Variants in GALNT18 observed in about 807,000 individuals in gnomAD.
The protein encoded by GALNT18 is polypeptide N-acetylgalactosaminyltransferase 18.
Under a neutral mutation model 69.5 loss-of-function variants are expected in GALNT18, and 44 were observed. The ratio of observed to expected loss-of-function variants is 0.63; its 90% CI spans 0.50 to 0.81. The LOEUF (loss-of-function observed/expected upper bound fraction) is 0.81. GALNT18 is among the 40% of genes least tolerant of loss of function. The pLI is 0.00. For synonymous variants in GALNT18, 364 were observed against 318.2 expected, an observed-to-expected ratio of 1.14 and a Z score of -1.53; for missense variants, 715 against 810.0, an observed-to-expected ratio of 0.88 and a Z score of 1.42.
chr11:11,609,803 A>C (rs1859851840), intron 1 of GALNT18, among the ~76,000 whole-genome samples: 1 of 152,176 alleles, frequency 6.6e-6, no homozygotes, highest in South Asian at 2.1e-4. Context: ...TTTAACTCCA[A>C]ATATTCCATT....
chr11:11,524,504 G>C (rs1039467354), intron 1 of GALNT18, among the ~76,000 whole-genome samples: 1 of 152,178 alleles, frequency 6.6e-6, no homozygotes, highest in African/African-American at 2.4e-5. Flanking sequence ...CCTAGCAGAA[G>C]CTTTAGGAGC....
rs904345831 is a variant in GALNT18, at chr11:11,600,186, C to T, written c.235+21173G>A. Among the ~76,000 whole-genome samples, 29 of 151,990 alleles carry T rather than the reference C, an allele frequency of 1.9e-4. No individual in the cohort carries two copies. Among genetic ancestry groups the T allele is most frequent in the African/African-American group, 6.5e-4 (27 of 41,428 alleles). On this transcript the variant is annotated intron_variant, in intron 1 of 10. Transcript: ENST00000227756. This position sits in a 1 kb window ranked among gnomAD's most constrained non-coding sequence, Gnocchi z 4.8. Reference sequence around the variant, plus strand: ...AGAAAGGAGGAGAAATATACAAATACGTTGTTTTTTATAATGGCTTATATA... The same window carrying T: ...AGAAAGGAGGAGAAATATACAAATATGTTGTTTTTTATAATGGCTTATATA...
rs936020105 is a variant in GALNT18, at chr11:11,492,414, C to T, written c.236-43478G>A. On this transcript the variant is annotated intron_variant, in intron 1 of 10. Transcript: ENST00000227756. Reference sequence around the variant, plus strand: ...CTGCTAACACAGGGAAGAACTGGCTCAAGCCACAACAGAGAAAAGCACAGG... The same window carrying T: ...CTGCTAACACAGGGAAGAACTGGCTTAAGCCACAACAGAGAAAAGCACAGG... 3.3e-5 allele frequency among the ~76,000 whole-genome samples: 5 copies of T among 152,154 alleles called. No individual in the cohort carries two copies. The East Asian group carries it at 9.6e-4, about 29-fold the overall frequency.
At position 11,613,239 on chromosome 11, in the gene GALNT18, T is replaced by C. The variant is rs1859956985; in HGVS notation, c.235+8120A>G. Among the ~76,000 whole-genome samples, 2 of 152,174 alleles carry C rather than the reference T, an allele frequency of 1.3e-5. No homozygotes were observed. Among genetic ancestry groups the C allele is most frequent in the African/African-American group, 4.8e-5 (2 of 41,430 alleles). On this transcript the variant is annotated intron_variant, in intron 1 of 10. Coordinates refer to ENST00000227756, the MANE Select transcript of GALNT18 (RefSeq NM_198516.3). This position sits in a 1 kb window ranked among gnomAD's most constrained non-coding sequence, Gnocchi z 4.2. ...TGCTTAAAGTTCCAGTTGGCTGCAC[T>C]GGAACTACAGGGGATCTATAAAAGG...
chr11:11,420,116 T>C (rs1245157818), intron 3 of GALNT18, among the ~76,000 whole-genome samples: 8 of 151,784 alleles, frequency 5.3e-5, no homozygotes, highest in Admixed American at 1.3e-4. Flanking sequence ...GGACTCTCAT[T>C]TTTGAAAGAA....
chr11:11,298,908 C>A (rs1217177036), intron 9 of GALNT18, among the ~76,000 whole-genome samples: 2 of 152,194 alleles, frequency 1.3e-5, no homozygotes, highest in Non-Finnish European at 2.9e-5. Flanking sequence ...CACCAAAGAG[C>A]CTTTGCAAAC....
At chr11:11,276,606 G>C (rs982138058) in intron 10 of GALNT18, among the ~76,000 whole-genome samples, 8 of 151,880 alleles carry the variant, frequency 5.3e-5, no homozygotes, top group African/African-American at 9.6e-5. Context: ...TCCCTGTCTT[G>C]TGCCAGTTTT....
intron 10 of GALNT18, among the ~76,000 whole-genome samples, chr11:11,291,560 C>CAGGAAGGAGCAGGAGCCATGGTTACAT (rs1431118137): frequency 3.3e-5 from 5 of 152,174 alleles, no homozygotes; most frequent in African/African-American, 1.2e-4. Flanking sequence ...GTTACATAGA[C>CAGGAAGGAGCAGGAGCCATGGTTACAT]AGGAAGGAGC....
chr11:11,572,522 A>G (rs1463043820), intron 1 of GALNT18, among the ~76,000 whole-genome samples: 1 of 152,200 alleles, frequency 6.6e-6, no homozygotes, highest in Non-Finnish European at 1.5e-5. Context: ...CTTGGGCATG[A>G]GTCAGGGCCC....
At chr11:11,503,026 A>C (rs1000475650) in intron 1 of GALNT18, among the ~76,000 whole-genome samples, 8 of 152,214 alleles carry the variant, frequency 5.3e-5, no homozygotes, top group African/African-American at 1.9e-4. Flanking sequence ...CTCATGGAAG[A>C]AGAGGGCTTC....
chr11:11,295,435 A>G (rs1160307460), intron 9 of GALNT18, among the ~76,000 whole-genome samples: 1 of 151,096 alleles, frequency 6.6e-6, no homozygotes, highest in Non-Finnish European at 1.5e-5. Context: ...CAGAGCTGTC[A>G]CCAGAACGTG....
At chr11:11,579,815 A>T (rs1006741369) in intron 1 of GALNT18, among the ~76,000 whole-genome samples, 3 of 152,156 alleles carry the variant, frequency 2.0e-5, no homozygotes, top group Non-Finnish European at 4.4e-5. Flanking sequence ...CCACATTTTC[A>T]CTCTGTTTCA....
intron 2 of GALNT18, among the ~76,000 whole-genome samples, chr11:11,447,329 C>T (rs888779811): frequency 2.0e-5 from 3 of 152,070 alleles, no homozygotes; most frequent in African/African-American, 7.3e-5. Flanking sequence ...TGCAGCTCCC[C>T]ACTCTTGTCC....
intron 1 of GALNT18, among the ~76,000 whole-genome samples, chr11:11,537,168 G>A (rs1220010522): frequency 1.3e-5 from 2 of 152,098 alleles, no homozygotes; most frequent in African/African-American, 2.4e-5. Context: ...CCAAACATGA[G>A]GGAACTGAGG....
In GALNT18 at chr11:11,404,381, C is replaced by T. The variant is rs1428089403; in HGVS notation, c.596-25117G>A. ...GGCTGCTTTTATTCTCTCACCCTCC[C>T]TAGGGAAAGCAAATGCCCATGAAAT... On this transcript the variant is annotated intron_variant, in intron 3 of 10. Transcript: ENST00000227756. The surrounding 1 kb of genome is among the most constrained non-coding windows in gnomAD (Gnocchi z 4.5). 1.3e-5 allele frequency among the ~76,000 whole-genome samples: 2 copies of T among 152,190 alleles called. No individual in the cohort carries two copies. Among genetic ancestry groups the T allele is most frequent in the African/African-American group, 4.8e-5 (2 of 41,440 alleles).
intron 1 of GALNT18, among the ~76,000 whole-genome samples, chr11:11,512,300 C>T (rs1417514132): frequency 6.6e-6 from 1 of 152,208 alleles, no homozygotes; most frequent in Non-Finnish European, 1.5e-5. Flanking sequence ...GATGGCCTGG[C>T]ACTCTTGACC....
intron 10 of GALNT18, among the ~76,000 whole-genome samples, chr11:11,279,150 C>T (rs1443331828): frequency 6.6e-6 from 1 of 152,154 alleles, no homozygotes; most frequent in South Asian, 2.1e-4. Flanking sequence ...GGCACCTCCT[C>T]TCACCACTCT....
intron 1 of GALNT18, among the ~76,000 whole-genome samples, chr11:11,477,204 A>T (rs1044717136): frequency 6.6e-5 from 10 of 152,330 alleles, no homozygotes; most frequent in Middle Eastern, 3.4e-3. Flanking sequence ...CATGGAGGGA[A>T]TGCCAGCCTG....
At chr11:11,569,308 T>C (rs1435012675) in intron 1 of GALNT18, among the ~76,000 whole-genome samples, 4 of 151,022 alleles carry the variant, frequency 2.6e-5, no homozygotes, top group African/African-American at 9.7e-5. Flanking sequence ...ATGTTTTAGC[T>C]TTCTACTTGT....
Sources: allele counts gnomAD v4.1 joint callset (sites outside exome capture counted in the v4.1 genomes callset), GRCh38; gene constraint gnomAD v4.1.1; non-coding constraint Gnocchi (gnomAD v3.1); transcripts MANE v1.5; gene names NCBI Gene and HGNC (gene_info 2026-07-23, HGNC 2026-07-21).